The following SGCG variants were observed in gnomAD, a reference collection of about 807,000 sequenced individuals.
The protein encoded by SGCG is gamma-sarcoglycan.
Under a neutral mutation model 29.3 loss-of-function variants are expected in SGCG, and 26 were observed. That is an observed-to-expected ratio of 0.89 (90% CI 0.65 to 1.23). The LOEUF is 1.23. Among genes scored for constraint, SGCG ranks in the 50% most tolerant of loss-of-function variants. The probability of loss-of-function intolerance (pLI) is 0.00; values close to 1 mark genes in which losing one functional copy is unlikely to be tolerated. For missense variants in SGCG, 353 were observed against 356.0 expected (o/e 0.99, Z 0.07); for synonymous variants, 145 against 129.7 (o/e 1.12, Z -0.80).
chr13:23,310,747 A>ATTGG (rs1375304987), intron 6 of SGCG, among the ~76,000 whole-genome samples: 11 of 151,808 alleles, frequency 7.2e-5, no homozygotes, highest in African/African-American at 2.7e-4. Flanking sequence ...TTCCCCCAAT[A>ATTGG]GTTCTATTTT....
intron 6 of SGCG, among the ~76,000 whole-genome samples, chr13:23,310,745 A>G (rs552892966): frequency 8.2e-4 from 124 of 151,758 alleles, no homozygotes; most frequent in Middle Eastern, 6.8e-3. Flanking sequence ...ATTTCCCCCA[A>G]TAGTTCTATT....
intron 1 of SGCG, among the ~76,000 whole-genome samples, chr13:23,182,458 TCTCC>T (rs796238652): frequency 3.9e-5 from 6 of 152,094 alleles, no homozygotes; most frequent in African/African-American, 1.4e-4. Context: ...CCTTCCTGTC[TCTCC>T]CTCCCTCCCT....
chr13:23,293,180 G>T (rs1468907142), intron 5 of SGCG, among the ~76,000 whole-genome samples: 1 of 152,170 alleles, frequency 6.6e-6, no homozygotes, highest in African/African-American at 2.4e-5. Flanking sequence ...TTAAGAAAAT[G>T]TGACTTGTTA....
At chr13:23,299,840 G>C (rs1882084378) in intron 6 of SGCG, among the ~76,000 whole-genome samples, 1 of 152,098 alleles carries the variant, frequency 6.6e-6, no homozygotes, top group South Asian at 2.1e-4. Context: ...ATTCACACAT[G>C]ATGTAATTCA....
chr13:23,254,792 G>A (rs1424586913), intron 4 of SGCG, among the ~76,000 whole-genome samples: 1 of 152,190 alleles, frequency 6.6e-6, no homozygotes, highest in Non-Finnish European at 1.5e-5. Flanking sequence ...CCACATCACA[G>A]CTGCTCTAGC....
rs1881219940 is a variant in SGCG at position 23,279,481 on chromosome 13, A to G, written c.505+3A>G. On this transcript the variant is annotated splice_donor_region_variant and intron_variant, in intron 5 of 7. Transcript: ENST00000218867. Reference sequence around the variant, plus strand: ...TACAGATAAACTTCGAGTAACTGGTATGTACTAACTCGAGAAAAACACAAC... The same window carrying G: ...TACAGATAAACTTCGAGTAACTGGTGTGTACTAACTCGAGAAAAACACAAC... 1 of 1,612,246 alleles carries G rather than the reference A, an allele frequency of 6.2e-7. No individual in the cohort carries two copies. The highest frequency in any genetic ancestry group is 1.3e-5 in the African/African-American group (1 of 74,888).
chr13:23,230,532 C>T (rs1879068258), intron 2 of SGCG, among the ~76,000 whole-genome samples: 1 of 152,056 alleles, frequency 6.6e-6, no homozygotes, highest in African/African-American at 2.4e-5. Flanking sequence ...GTGTTTTATT[C>T]TTTTTGTGGC....
At chr13:23,296,011 A>G (rs1165973849) in intron 6 of SGCG, among the ~76,000 whole-genome samples, 2 of 152,194 alleles carry the variant, frequency 1.3e-5, no homozygotes, top group African/African-American at 2.4e-5. Context: ...CTCCCCGAGG[A>G]GACCTCATGA....
intron 2 of SGCG, among the ~76,000 whole-genome samples, chr13:23,222,873 T>C (rs1878725594): frequency 6.6e-6 from 1 of 152,124 alleles, no homozygotes; most frequent in Non-Finnish European, 1.5e-5. Flanking sequence ...GAAACTTCCA[T>C]GGGCATTTTT....
chr13:23,265,611 G>A (rs1443879826), intron 4 of SGCG, among the ~76,000 whole-genome samples: 5 of 151,922 alleles, frequency 3.3e-5, no homozygotes, highest in Non-Finnish European at 5.9e-5. Context: ...GTAGGCAAAA[G>A]ACATTAATAG....
At chr13:23,180,272 C>T (rs2137462798), upstream of SGCG, among the ~76,000 whole-genome samples, 1 of 152,230 alleles carries the variant, frequency 6.6e-6, no homozygotes, top group South Asian at 2.1e-4. Flanking sequence ...AATGGAATGA[C>T]CTAATTACTC....
the SGCG span, among the ~76,000 whole-genome samples, chr13:23,167,861 A>G: frequency 6.6e-6 from 1 of 151,962 alleles, no homozygotes; most frequent in Non-Finnish European, 1.5e-5. Flanking sequence ...CCTTCTGAGT[A>G]GCTGGGATTA....
At chr13:23,292,189 A>G (rs373528162) in intron 5 of SGCG, among the ~76,000 whole-genome samples, 3 of 151,550 alleles carry the variant, frequency 2.0e-5, no homozygotes, top group South Asian at 2.1e-4. Context: ...GGCTCACTGC[A>G]ACCTCTGCCT....
At chr13:23,276,585 G>A (rs1056905830) in intron 4 of SGCG, among the ~76,000 whole-genome samples, 3 of 151,856 alleles carry the variant, frequency 2.0e-5, no homozygotes, top group Non-Finnish European at 2.9e-5. Context: ...GGCGCACGCC[G>A]CCACACCCAG....
intron 1 of SGCG, among the ~76,000 whole-genome samples, chr13:23,200,833 T>C (rs1877715988): frequency 6.6e-6 from 1 of 152,118 alleles, no homozygotes; most frequent in African/African-American, 2.4e-5. Context: ...GAATTATAAC[T>C]GTGGAGTCCC....
At chr13:23,181,438 C>G (rs955366574) in intron 1 of SGCG, among the ~76,000 whole-genome samples, 4 of 152,062 alleles carry the variant, frequency 2.6e-5, no homozygotes, top group Non-Finnish European at 5.9e-5. Context: ...TAATTCTGCT[C>G]TTAAACTTTA....
At chr13:23,180,496 G>C (rs949428017), upstream of SGCG, among the ~76,000 whole-genome samples, 1 of 152,138 alleles carries the variant, frequency 6.6e-6, no homozygotes, top group Non-Finnish European at 1.5e-5. Context: ...GATTTTTAAA[G>C]AGTCACTGTT....
rs886043151 is a variant in SGCG at position 23,203,771 on chromosome 13, T to C, written c.77T>C (p.Ile26Thr). Reference sequence around the variant, plus strand: ...CCAGAGAATCAGTATGTCTACAAAATTGGCATTTATGGCTGGAGAAAGCGC... The same window carrying C: ...CCAGAGAATCAGTATGTCTACAAAACTGGCATTTATGGCTGGAGAAAGCGC... ...ERPENQYVYKIGIYGWRKRCL... is the reference protein window; with the variant it reads ...ERPENQYVYKTGIYGWRKRCL... Residue 26 changes from isoleucine to threonine, a missense_variant, in exon 2 of 8, where the codon ATT (isoleucine) becomes ACT (threonine). By Grantham distance (89) the Ile-to-Thr change is moderately conservative. Transcript: ENST00000218867. 9.3e-6 allele frequency: 15 copies of C among 1,613,896 alleles called. No individual in the cohort carries two copies. Among genetic ancestry groups the C allele is most frequent in the South Asian group, 7.7e-5 (7 of 91,086 alleles).
intron 4 of SGCG, among the ~76,000 whole-genome samples, chr13:23,252,314 A>G (rs1202566759): frequency 6.6e-6 from 1 of 152,158 alleles, no homozygotes; most frequent in Admixed American, 6.6e-5. Context: ...GCTACCTTAT[A>G]TGCTATCAAG....
Sources: gnomAD v4.1 joint callset for allele counts (sites outside exome capture counted in the v4.1 genomes callset) on GRCh38, gnomAD v4.1.1 for gene constraint, MANE v1.5 for transcripts, NCBI Gene and HGNC (gene_info 2026-07-23, HGNC 2026-07-21) for gene names.